The following STPG2 variants were observed in gnomAD, a reference collection of about 807,000 sequenced individuals.
STPG2 encodes the protein sperm tail PG-rich repeat containing 2.
STPG2 carries 56 observed loss-of-function variants against 54.2 expected under a neutral mutation model. That is an observed-to-expected ratio of 1.03 (90% CI 0.83 to 1.29). The LOEUF is 1.29. STPG2 is among the 50% of genes most tolerant of loss of function. STPG2 has a pLI of 0.00. For missense variants in STPG2, 596 were observed against 544.9 expected (o/e 1.09, Z -0.93); for synonymous variants, 200 against 181.8 (o/e 1.10, Z -0.81).
At chr4:97,960,032 G>A (rs1302908510) in intron 7 of STPG2, among the ~76,000 whole-genome samples, 2 of 152,140 alleles carry the variant, frequency 1.3e-5, no homozygotes, top group Non-Finnish European at 1.5e-5. Flanking sequence ...GGGATGCAGG[G>A]AAGGTTTAAT....
intron 10 of STPG2, among the ~76,000 whole-genome samples, chr4:97,584,764 G>T (rs935809080): frequency 7.9e-5 from 12 of 151,566 alleles, no homozygotes; most frequent in Non-Finnish European, 2.9e-5. Context: ...AAATCTAGAG[G>T]AGATGGAAAA....
At chr4:97,619,270 T>C (rs1447585204) in intron 10 of STPG2, among the ~76,000 whole-genome samples, 1 of 152,008 alleles carries the variant, frequency 6.6e-6, no homozygotes, top group Non-Finnish European at 1.5e-5. Context: ...TATATGTGTA[T>C]TTAATGCCTA....
chr4:97,561,201 G>A (rs1484836878), intron 10 of STPG2, among the ~76,000 whole-genome samples: 1 of 152,134 alleles, frequency 6.6e-6, no homozygotes, highest in Non-Finnish European at 1.5e-5. Context: ...CTGATGGCCA[G>A]TGATGGTGAG....
intron 5 of STPG2, among the ~76,000 whole-genome samples, chr4:98,101,056 T>A (rs888280927): frequency 8.0e-6 from 1 of 124,902 alleles, no homozygotes; most frequent in African/African-American, 3.1e-5. Flanking sequence ...TTATTTCTTC[T>A]TGCCTTTTAC....
intron 8 of STPG2, among the ~76,000 whole-genome samples, chr4:97,936,457 G>T (rs534643729): frequency 6.6e-6 from 1 of 152,008 alleles, no homozygotes; most frequent in Non-Finnish European, 1.5e-5. Flanking sequence ...AAATTAATGC[G>T]GTTTCTTCAT....
chr4:97,456,578 A>G (rs1729525444), intron 4 of STPG2, among the ~76,000 whole-genome samples: 1 of 152,114 alleles, frequency 6.6e-6, no homozygotes, highest in African/African-American at 2.4e-5. Flanking sequence ...TATACAAAGA[A>G]GTCTTAAAAC....
intron 8 of STPG2, among the ~76,000 whole-genome samples, chr4:97,865,245 A>G (rs1170295480): frequency 6.6e-6 from 1 of 152,166 alleles, no homozygotes; most frequent in Admixed American, 6.6e-5. Flanking sequence ...CAAATTTACA[A>G]GAAAAAAACA....
intron 8 of STPG2, among the ~76,000 whole-genome samples, chr4:97,930,052 C>G (rs113499288): frequency 6.6e-6 from 1 of 152,100 alleles, no homozygotes. Flanking sequence ...GCAAGCACCA[C>G]CACGCCCAGC....
At chr4:97,632,962 A>G (rs1721340966) in intron 10 of STPG2, among the ~76,000 whole-genome samples, 1 of 152,180 alleles carries the variant, frequency 6.6e-6, no homozygotes, top group Non-Finnish European at 1.5e-5. Context: ...GGGGATGGAA[A>G]GATGGTAGAT....
chr4:97,755,924 G>A (rs1033170575), intron 9 of STPG2, among the ~76,000 whole-genome samples: 1 of 152,134 alleles, frequency 6.6e-6, no homozygotes, highest in Non-Finnish European at 1.5e-5. Context: ...AATATTCATG[G>A]CACTAGCAGG....
chr4:97,908,921 C>G (rs1024459410), intron 8 of STPG2, among the ~76,000 whole-genome samples: 11 of 151,168 alleles, frequency 7.3e-5, no homozygotes, highest in Non-Finnish European at 1.3e-4. Flanking sequence ...TGCTAGATGA[C>G]AAGTTAGTGG....
intron 10 of STPG2, among the ~76,000 whole-genome samples, chr4:97,635,373 C>A (rs1306083090): frequency 6.6e-6 from 1 of 152,220 alleles, no homozygotes; most frequent in African/African-American, 2.4e-5. Flanking sequence ...CTGGTACTAG[C>A]TGCTGCAAAA....
intron 9 of STPG2, among the ~76,000 whole-genome samples, chr4:97,840,074 C>T (rs959193917): frequency 2.0e-5 from 3 of 151,296 alleles, no homozygotes; most frequent in Non-Finnish European, 4.4e-5. Context: ...TTACTGATAG[C>T]TAAGACCATC....
At chr4:97,485,241 C>A (rs1260427509) in intron 4 of STPG2, among the ~76,000 whole-genome samples, 2 of 151,718 alleles carry the variant, frequency 1.3e-5, no homozygotes, top group Non-Finnish European at 2.9e-5. Flanking sequence ...TAAAGGGCAT[C>A]CAAATCAGCG....
intron 8 of STPG2, among the ~76,000 whole-genome samples, chr4:97,848,056 A>C (rs1236923845): frequency 6.6e-6 from 1 of 152,126 alleles, no homozygotes; most frequent in Non-Finnish European, 1.5e-5. Flanking sequence ...AAATGACATA[A>C]ACTGCTAAAA....
intron 7 of STPG2, among the ~76,000 whole-genome samples, chr4:97,971,943 T>C (rs896864492): frequency 6.6e-6 from 1 of 152,236 alleles, no homozygotes; most frequent in Non-Finnish European, 1.5e-5. Context: ...CTTCTCTATA[T>C]TAAGCATCTT....
intron 7 of STPG2, among the ~76,000 whole-genome samples, chr4:97,963,626 G>GAGTGAGA (rs1379298266): frequency 2.0e-5 from 3 of 152,008 alleles, no homozygotes; most frequent in Non-Finnish European, 4.4e-5. Context: ...TTGCACTCCA[G>GAGTGAGA]CCTGGGCAAG....
At chr4:97,751,120 T>C (rs762720920) in intron 9 of STPG2, among the ~76,000 whole-genome samples, 9 of 151,848 alleles carry the variant, frequency 5.9e-5, no homozygotes, top group Non-Finnish European at 1.2e-4. Flanking sequence ...AAGGTTCAAG[T>C]AAGCTTCCTT....
chr4:97,481,084 A>T (rs1166593555), intron 4 of STPG2, among the ~76,000 whole-genome samples: 1 of 151,540 alleles, frequency 6.6e-6, no homozygotes, highest in Non-Finnish European at 1.5e-5. Context: ...ACATGGCATG[A>T]CATAGAGAAA....
Sources: allele counts gnomAD v4.1 joint callset (sites outside exome capture counted in the v4.1 genomes callset), GRCh38; gene constraint gnomAD v4.1.1; transcripts MANE v1.5; gene names NCBI Gene and HGNC (gene_info 2026-07-23, HGNC 2026-07-21).